STK3: variants seen among roughly 807,000 people sequenced by gnomAD.
The protein encoded by STK3 is serine/threonine kinase 3.
A neutral mutation model predicts 58.0 loss-of-function variants in STK3; 41 were observed. The observed-to-expected ratio is 0.71, with a 90% CI of 0.55 to 0.92. STK3 has a LOEUF of 0.92. STK3 is among the 40% of genes least tolerant of loss of function. The pLI is 0.00. For missense variants in STK3, 479 were observed against 602.7 expected, an observed-to-expected ratio of 0.79 and a Z score of 2.15; for synonymous variants, 170 against 191.0, an observed-to-expected ratio of 0.89 and a Z score of 0.91.
intron 3 of STK3, 42 bp from the exon 4 acceptor site, chr8:98,749,432 A>G: frequency 8.2e-7 from 1 of 1,225,414 alleles, no homozygotes; most frequent in Non-Finnish European, 1.1e-6. Context: ...GTTAATTCCC[A>G]AAGAAATTTT....
At chr8:98,355,614 G>A in the STK3 span, among the ~76,000 whole-genome samples, 10 of 152,172 alleles carry the variant, frequency 6.6e-5, no homozygotes, top group Non-Finnish European at 1.2e-4. Flanking sequence ...TCTGCTATAA[G>A]CTTGACTGCA....
At chr8:98,793,428 C>T (rs1832933134) in intron 1 of STK3, among the ~76,000 whole-genome samples, 1 of 152,166 alleles carries the variant, frequency 6.6e-6, no homozygotes, top group African/African-American at 2.4e-5. Context: ...GCCCCAGCTA[C>T]TCAGGAAGCT....
chr8:98,690,729 T>A (rs1824344358), intron 6 of STK3, among the ~76,000 whole-genome samples: 1 of 152,124 alleles, frequency 6.6e-6, no homozygotes, highest in Non-Finnish European at 1.5e-5. Flanking sequence ...AAAAGGAGCC[T>A]AAATAGCCAA....
intron 4 of STK3, among the ~76,000 whole-genome samples, chr8:98,742,258 G>C (rs1308683882): frequency 6.6e-6 from 1 of 151,700 alleles, no homozygotes; most frequent in African/African-American, 2.4e-5. Flanking sequence ...TGATACCAAA[G>C]CCGGGCAGAA....
intron 1 of STK3, chr8:98,904,768 A>T: frequency 1.4e-6 from 1 of 718,680 alleles, no homozygotes; most frequent in Non-Finnish European, 2.5e-6. Flanking sequence ...GCGGTTCCAC[A>T]ATAGGAGGAA....
At chr8:98,744,901 G>GA (rs893298875) in intron 4 of STK3, among the ~76,000 whole-genome samples, 246 of 138,712 alleles carry the variant, frequency 1.8e-3, no homozygotes, top group South Asian at 2.9e-3. Flanking sequence ...TTTCCACACA[G>GA]AAAAAAAAAA....
intron 10 of STK3, among the ~76,000 whole-genome samples, chr8:98,487,090 AATAGTTACTGTGC>A (rs1161853944): frequency 1.3e-5 from 2 of 152,218 alleles, no homozygotes; most frequent in Non-Finnish European, 2.9e-5. Context: ...ATATTTATTG[AATAGTTACTGTGC>A]ATAAGGCCCA....
chr8:98,927,934 A>C (rs150148425), intron 1 of STK3, among the ~76,000 whole-genome samples: 1 of 152,346 alleles, frequency 6.6e-6, no homozygotes, highest in East Asian at 1.9e-4. Flanking sequence ...TATTCAACTC[A>C]TGGACTTTTC....
intron 6 of STK3, among the ~76,000 whole-genome samples, chr8:98,630,236 G>A (rs947788420): frequency 1.3e-5 from 2 of 152,124 alleles, no homozygotes; most frequent in African/African-American, 2.4e-5. Flanking sequence ...GTCTCCTGAC[G>A]TGTTAGTTTC....
intron 3 of STK3, among the ~76,000 whole-genome samples, chr8:98,751,006 T>A (rs1266115685): frequency 6.6e-6 from 1 of 152,146 alleles, no homozygotes; most frequent in Non-Finnish European, 1.5e-5. Flanking sequence ...AAAAACCACA[T>A]GATTATCTCA....
chr8:98,759,825 A>G (rs1167237779), intron 3 of STK3, among the ~76,000 whole-genome samples: 1 of 152,174 alleles, frequency 6.6e-6, no homozygotes, highest in African/African-American at 2.4e-5. Context: ...TCATCCCTCA[A>G]TATCCATGGC....
chr8:98,632,345 T>G (rs1051931222), intron 6 of STK3, among the ~76,000 whole-genome samples: 2 of 152,188 alleles, frequency 1.3e-5, no homozygotes, highest in Admixed American at 6.6e-5. Context: ...AATGAACATG[T>G]GAAAAACTTT....
chr8:98,627,151 A>G (rs1487758310), intron 6 of STK3, among the ~76,000 whole-genome samples: 1 of 152,102 alleles, frequency 6.6e-6, no homozygotes, highest in Admixed American at 6.6e-5. Flanking sequence ...GGCCAAGCCC[A>G]GCAGATCACT....
chr8:98,415,187 A>G (rs1818100962), intron 3 of STK3, among the ~76,000 whole-genome samples: 1 of 152,210 alleles, frequency 6.6e-6, no homozygotes, highest in Non-Finnish European at 1.5e-5. Context: ...TCTTGGAAAC[A>G]GACAGCAGCC....
intron 4 of STK3, among the ~76,000 whole-genome samples, chr8:98,735,902 CT>C (rs1828543952): frequency 6.6e-6 from 1 of 152,098 alleles, no homozygotes; most frequent in Non-Finnish European, 1.5e-5. Flanking sequence ...GAAGGTCCTT[CT>C]TTAATATCTA....
At chr8:98,557,100 T>C (rs1226994459) in intron 8 of STK3, among the ~76,000 whole-genome samples, 1 of 152,116 alleles carries the variant, frequency 6.6e-6, no homozygotes, top group Non-Finnish European at 1.5e-5. Flanking sequence ...CAACAAGGCA[T>C]GTCCAATGCA....
chr8:98,834,265 A>G (rs982666963), intron 3 of STK3, among the ~76,000 whole-genome samples: 1 of 152,182 alleles, frequency 6.6e-6, no homozygotes, highest in South Asian at 2.1e-4. Context: ...AATTCTACTT[A>G]TAACTGCTGC....
At chr8:98,415,499 C>T (rs1314074455) in intron 3 of STK3, among the ~76,000 whole-genome samples, 1 of 152,224 alleles carries the variant, frequency 6.6e-6, no homozygotes, top group Admixed American at 6.5e-5. Flanking sequence ...CTTCTCATCT[C>T]CTTCCCAACC....
intron 2 of STK3, among the ~76,000 whole-genome samples, chr8:98,773,154 A>C (rs934515451): frequency 1.3e-5 from 2 of 152,058 alleles, no homozygotes; most frequent in African/African-American, 4.8e-5. Context: ...TATTCATCAT[A>C]ATGTTTAATC....
Sources: gnomAD v4.1 joint callset for allele counts (sites outside exome capture counted in the v4.1 genomes callset) on GRCh38, gnomAD v4.1.1 for gene constraint, MANE v1.5 for transcripts, NCBI Gene and HGNC (gene_info 2026-07-23, HGNC 2026-07-21) for gene names.